The following ZNF565 variants were observed in gnomAD, a reference collection of about 807,000 sequenced individuals.
ZNF565 encodes the protein zinc finger protein 565.
Under a neutral mutation model 39.4 loss-of-function variants are expected in ZNF565, and 27 were observed. The observed-to-expected ratio is 0.69, with a 90% CI of 0.51 to 0.95. The LOEUF is 0.95. ZNF565 is among the 40% of genes least tolerant of loss of function. ZNF565 has a pLI of 0.00. For synonymous variants in ZNF565, 185 were observed against 216.6 expected, an observed-to-expected ratio of 0.85 and a Z score of 1.28; for missense variants, 524 against 621.1, an observed-to-expected ratio of 0.84 and a Z score of 1.66.
intron 1 of ZNF565, among the ~76,000 whole-genome samples, chr19:36,241,781 C>CAA (rs57036778): frequency 0.096 from 7,608 of 79,498 alleles, 431 homozygotes; most frequent in African/African-American, 0.17. Context: ...AGAAGAGTGT[C>CAA]AAAAAAAAAA....
chr19:36,191,184 C>A (rs999969541), intron 4 of ZNF565, among the ~76,000 whole-genome samples: 1 of 151,226 alleles, frequency 6.6e-6, no homozygotes, highest in Non-Finnish European at 1.5e-5. Flanking sequence ...GCATTTGACC[C>A]ACAGATTGCA....
At chr19:36,238,050 C>T (rs1408917879) in intron 1 of ZNF565, 5 of 167,094 alleles carry the variant, frequency 3.0e-5, no homozygotes, top group Non-Finnish European at 7.3e-5. Flanking sequence ...AGGATATTTA[C>T]TGTGGCTTGA....
At chr19:36,190,590 T>TA (rs74410395) in intron 4 of ZNF565, among the ~76,000 whole-genome samples, 460 of 132,658 alleles carry the variant, frequency 3.5e-3, no homozygotes, top group African/African-American at 9.2e-3. Context: ...AAAAAAAAAT[T>TA]AAAAAAAAAA....
chr19:36,191,023 A>G (rs1426925683), intron 4 of ZNF565, among the ~76,000 whole-genome samples: 1 of 151,014 alleles, frequency 6.6e-6, no homozygotes, highest in Non-Finnish European at 1.5e-5. Context: ...CATAAAAACA[A>G]ACTTTTTCTG....
intron 2 of ZNF565, among the ~76,000 whole-genome samples, chr19:36,199,420 G>A (rs1235624884): frequency 2.0e-5 from 3 of 152,000 alleles, no homozygotes; most frequent in African/African-American, 7.2e-5. Context: ...ATGTCTATGT[G>A]GAGAGAGAAG....
chr19:36,232,289 T>A (rs956949678), intron 1 of ZNF565, among the ~76,000 whole-genome samples: 1 of 152,152 alleles, frequency 6.6e-6, no homozygotes, highest in African/African-American at 2.4e-5. Flanking sequence ...CCTTTGATTA[T>A]GAAATATTCT....
chr19:36,192,398 C>T (rs1185668329), intron 4 of ZNF565, among the ~76,000 whole-genome samples: 1 of 152,032 alleles, frequency 6.6e-6, no homozygotes, highest in Non-Finnish European at 1.5e-5. Flanking sequence ...TGTGAGAAAA[C>T]ATTAGACAAA....
chr19:36,209,683 A>G (rs989871985), intron 1 of ZNF565, among the ~76,000 whole-genome samples: 1 of 152,184 alleles, frequency 6.6e-6, no homozygotes, highest in Non-Finnish European at 1.5e-5. Flanking sequence ...CCCAAAATAA[A>G]ATACAAACAG....
chr19:36,194,387 C>T (rs1975683817), intron 3 of ZNF565, 59 bp from the exon 4 acceptor site: 4 of 1,372,358 alleles, frequency 2.9e-6, no homozygotes, highest in Non-Finnish European at 4.0e-6. Flanking sequence ...AAACCCAGTT[C>T]CCTGGTCACC....
intron 2 of ZNF565, among the ~76,000 whole-genome samples, chr19:36,201,540 T>G (rs1391039928): frequency 6.6e-6 from 1 of 151,892 alleles, no homozygotes; most frequent in Non-Finnish European, 1.5e-5. Context: ...AGTGGGGAAA[T>G]CTTGGCTTCC....
chr19:36,194,660 C>T (rs1198690212), intron 3 of ZNF565: 3 of 464,326 alleles, frequency 6.5e-6, no homozygotes, highest in African/African-American at 2.0e-5. Flanking sequence ...CAATCTATTC[C>T]TTGATGCTCC....
intron 1 of ZNF565, among the ~76,000 whole-genome samples, chr19:36,239,782 C>T (rs758522543): frequency 6.6e-6 from 1 of 152,296 alleles, no homozygotes; most frequent in Non-Finnish European, 1.5e-5. Flanking sequence ...AAAAATGGCT[C>T]AGACCCTAGA....
intron 1 of ZNF565, among the ~76,000 whole-genome samples, chr19:36,232,506 AT>A (rs1220809153): frequency 6.6e-6 from 1 of 151,978 alleles, no homozygotes; most frequent in Admixed American, 6.6e-5. Context: ...AGGAAGGTCC[AT>A]GTTTTATTTT....
intron 2 of ZNF565, among the ~76,000 whole-genome samples, chr19:36,197,684 A>C (rs1434979228): frequency 1.3e-5 from 2 of 152,178 alleles, no homozygotes; most frequent in African/African-American, 4.8e-5. Context: ...AAAGAGAGGC[A>C]ATAACAAATG....
rs1975178513 is a variant in ZNF565, at chr19:36,183,724, G to A, written c.242C>T (p.Ser81Phe). Reference protein sequence around the residue: ...VTGPWCPDLESRCEKFLQKDI... With the variant: ...VTGPWCPDLEFRCEKFLQKDI... ...TTTTTGTAGAAATTTCTCACACCTG[G>A]ACTCCAAGTCTGAAAAATAAGAAAA... Residue 81 changes from serine to phenylalanine, a missense_variant, in exon 5 of 5, where the codon TCC becomes TTC. Transcript: ENST00000304116. The A allele has an allele frequency of 1.2e-6, 2 of 1,607,544 alleles. No homozygotes were observed. Among genetic ancestry groups the A allele is most frequent in the African/African-American group, 2.7e-5 (2 of 74,404 alleles).
chr19:36,197,974 C>T (rs1975824923), intron 2 of ZNF565, among the ~76,000 whole-genome samples: 1 of 151,956 alleles, frequency 6.6e-6, no homozygotes, highest in African/African-American at 2.4e-5. Context: ...ATGGTGAAAC[C>T]CCACTTCTAC....
chr19:36,231,103 G>A (rs547266611), intron 1 of ZNF565, among the ~76,000 whole-genome samples: 4 of 152,212 alleles, frequency 2.6e-5, no homozygotes, highest in East Asian at 3.9e-4. Context: ...ACGCGTAAAC[G>A]TGACCACAAC....
chr19:36,191,411 T>G (rs971440037), intron 4 of ZNF565, among the ~76,000 whole-genome samples: 1 of 150,768 alleles, frequency 6.6e-6, no homozygotes, highest in Non-Finnish European at 1.5e-5. Context: ...CTCTGCCTCC[T>G]GAACCATTTT....
intron 2 of ZNF565, among the ~76,000 whole-genome samples, chr19:36,199,313 G>A (rs923695711): frequency 4.6e-5 from 7 of 151,898 alleles, no homozygotes; most frequent in Admixed American, 1.3e-4. Flanking sequence ...AGAGTGTTCC[G>A]TCACTGAAGT....
Sources: allele counts gnomAD v4.1 joint callset (sites outside exome capture counted in the v4.1 genomes callset), GRCh38; gene constraint gnomAD v4.1.1; transcripts MANE v1.5; gene names NCBI Gene and HGNC (gene_info 2026-07-23, HGNC 2026-07-21).